Variants in RNF144A observed in about 807,000 individuals in gnomAD.
RNF144A encodes ring finger protein 144A.
Under a neutral mutation model 38.7 loss-of-function variants are expected in RNF144A, and 11 were observed. The ratio of observed to expected loss-of-function variants is 0.28; its 90% confidence interval spans 0.18 to 0.47. The LOEUF (loss-of-function observed/expected upper bound fraction) is 0.47, where lower values mean the gene tolerates loss of function less well. Ranked by LOEUF, RNF144A falls within the 20% of genes least tolerant of loss-of-function variation. RNF144A has a pLI of 0.99. For missense variants in RNF144A, 316 were observed against 377.2 expected (o/e 0.84, Z 1.34); for synonymous variants, 149 against 143.9 (o/e 1.04, Z -0.25).
At chr2:6,936,658 AG>A (rs1665606451) in intron 1 of RNF144A, among the ~76,000 whole-genome samples, 1 of 152,202 alleles carries the variant, frequency 6.6e-6, no homozygotes, top group Non-Finnish European at 1.5e-5. Flanking sequence ...TTTTTGCATC[AG>A]GTTGACTTTC....
intron 2 of RNF144A, among the ~76,000 whole-genome samples, chr2:6,980,637 T>C (rs986062010): frequency 2.6e-5 from 4 of 152,244 alleles, no homozygotes; most frequent in Non-Finnish European, 5.9e-5. Flanking sequence ...GCTGCTTTCA[T>C]AGGCTGGCAT....
intron 1 of RNF144A, chr2:6,933,238 G>A (rs1665319511): frequency 1.3e-5 from 2 of 152,168 alleles, no homozygotes; most frequent in Admixed American, 1.3e-4. Flanking sequence ...TAGGTAAGTG[G>A]GAGGGTCTCT....
At chr2:7,015,426 C>T (rs999698189) in intron 5 of RNF144A, among the ~76,000 whole-genome samples, 12 of 152,218 alleles carry the variant, frequency 7.9e-5, no homozygotes, top group South Asian at 2.1e-4. Flanking sequence ...GACCCTTCAT[C>T]GTGAGCCCTC....
chr2:7,022,583 C>T (rs917272058), intron 6 of RNF144A, among the ~76,000 whole-genome samples: 22 of 152,216 alleles, frequency 1.4e-4, no homozygotes, highest in Non-Finnish European at 2.1e-4. Context: ...CCTGCCGTTT[C>T]TTCCAAAATC....
chr2:7,052,637 G>C (rs1277994707), intron 6 of RNF144A, among the ~76,000 whole-genome samples: 1 of 152,106 alleles, frequency 6.6e-6, no homozygotes, highest in South Asian at 2.1e-4. Flanking sequence ...GCTCCCCAGG[G>C]ACTCTTGCAG....
chr2:6,928,326 C>CA (rs1665003640), intron 1 of RNF144A, among the ~76,000 whole-genome samples: 1 of 152,228 alleles, frequency 6.6e-6, no homozygotes, highest in African/African-American at 2.4e-5. Context: ...TTCATTGCCG[C>CA]AGGCCCCCTT....
intron 7 of RNF144A, among the ~76,000 whole-genome samples, chr2:7,028,007 C>T (rs1288193148): frequency 6.6e-6 from 1 of 151,970 alleles, no homozygotes; most frequent in Non-Finnish European, 1.5e-5. Context: ...GGGTGAAGTT[C>T]TTGACCTTGA....
rs141708722 is a variant in RNF144A at position 6,998,737 on chromosome 2, G to A, written c.135+1676G>A. 6.8e-3 allele frequency among the ~76,000 whole-genome samples: 1,032 copies of A among 152,334 alleles called. 15 individuals carry two copies. The highest frequency in any genetic ancestry group is 0.017 in the South Asian group (83 of 4,820). On this transcript the variant is annotated intron_variant, in intron 3 of 8. Transcript: ENST00000320892. ...GATTGATCTCCATCCTGTTAACACC[G>A]TGAATGGGGCTTATTGTCATTTCTA...
At chr2:6,934,886 A>G (rs1273948437) in intron 1 of RNF144A, among the ~76,000 whole-genome samples, 1 of 152,176 alleles carries the variant, frequency 6.6e-6, no homozygotes, top group East Asian at 1.9e-4. Flanking sequence ...GCTATTTTGC[A>G]GTAGCTGTGC....
At chr2:6,953,424 C>T (rs115865817) in intron 2 of RNF144A, among the ~76,000 whole-genome samples, 4 of 152,002 alleles carry the variant, frequency 2.6e-5, no homozygotes, top group African/African-American at 7.2e-5. Context: ...AGCAAAACTG[C>T]GTCTCAAAAA....
chr2:7,038,191 C>T (rs1672807356), intron 8 of RNF144A, among the ~76,000 whole-genome samples: 1 of 152,248 alleles, frequency 6.6e-6, no homozygotes, highest in African/African-American at 2.4e-5. Flanking sequence ...CCAGGTCATT[C>T]TCTGATGCAC....
intron 2 of RNF144A, among the ~76,000 whole-genome samples, chr2:6,971,718 A>G (rs1351418376): frequency 6.6e-6 from 1 of 152,122 alleles, no homozygotes; most frequent in African/African-American, 2.4e-5. Flanking sequence ...ACATCAGATG[A>G]AGTCTTGGAC....
intron 2 of RNF144A, among the ~76,000 whole-genome samples, chr2:6,942,347 A>G (rs1057420063): frequency 3.3e-5 from 5 of 152,138 alleles, no homozygotes; most frequent in Non-Finnish European, 7.4e-5. Context: ...ACAAGGGTGT[A>G]AAATCCAGGA....
chr2:6,947,818 C>G (rs993879125), intron 2 of RNF144A, among the ~76,000 whole-genome samples: 6 of 152,218 alleles, frequency 3.9e-5, no homozygotes, highest in African/African-American at 1.2e-4. Flanking sequence ...TGGCTCTGCC[C>G]TGTCCTGCCC....
intron 2 of RNF144A, among the ~76,000 whole-genome samples, chr2:6,988,250 G>A (rs1220182015): frequency 6.6e-6 from 1 of 152,146 alleles, no homozygotes; most frequent in Non-Finnish European, 1.5e-5. Flanking sequence ...TTAACGTCTT[G>A]CGTTAGTTTA....
chr2:7,042,482 C>T lies in RNF144A; in HGVS notation c.*2722C>T, dbSNP rs1407347614. 4 of 985,384 alleles carry T rather than the reference C, an allele frequency of 4.1e-6. No homozygotes were observed. Among genetic ancestry groups the T allele is most frequent in the Non-Finnish European group, 3.6e-6 (3 of 829,978 alleles). 61.0% of individuals were successfully genotyped at this position (985,384 alleles called of 1,614,324 possible). On this transcript the variant is annotated 3_prime_UTR_variant, in exon 9 of 9. Transcript: ENST00000320892. ...GCCTTTAATCCTGGGGAGTAAGGGG[C>T]GAAGGCCCTTAGACAACCATGGCTG...
intron 8 of RNF144A, among the ~76,000 whole-genome samples, chr2:7,033,178 A>G (rs1057219445): frequency 6.6e-6 from 1 of 152,236 alleles, no homozygotes; most frequent in Non-Finnish European, 1.5e-5. Context: ...CAGGCTTACC[A>G]TCCTCACATG....
rs555710959 is a variant in RNF144A at position 7,041,793 on chromosome 2, C to T, written c.*2033C>T. 1 of 985,604 alleles carries T rather than the reference C, an allele frequency of 1.0e-6. No homozygotes were observed. The highest frequency in any genetic ancestry group is 1.2e-6 in the Non-Finnish European group (1 of 830,082). 61.1% of individuals were successfully genotyped at this position (985,604 alleles called of 1,614,324 possible). A position where few individuals can be genotyped will look rare whatever the true frequency, so the allele number is the denominator to read the frequency against. ...AAATTGCTGCTGCCCATCGCATGAG[C>T]CCACACAGTAGCACCCCCGTCCTTA... is the stretch of plus-strand genomic sequence containing the variant. On this transcript the variant is annotated 3_prime_UTR_variant, in exon 9 of 9. Transcript: ENST00000320892.
chr2:7,039,964 G>T lies in RNF144A; in HGVS notation c.*204G>T. ...CAGGTGTGGTGGGGAGGGGAGGCAGGTGTGGGTAGCGCACATCCCCACAGA... is the reference window on the plus strand; with the variant it reads ...CAGGTGTGGTGGGGAGGGGAGGCAGTTGTGGGTAGCGCACATCCCCACAGA... On this transcript the variant is annotated 3_prime_UTR_variant, in exon 9 of 9. Coordinates refer to ENST00000320892, the MANE Select transcript of RNF144A (RefSeq NM_014746.6). 1 of 1,394,846 alleles carries T rather than the reference G, an allele frequency of 7.2e-7. No homozygotes were observed. Among genetic ancestry groups the T allele is most frequent in the Non-Finnish European group, 9.3e-7 (1 of 1,074,690 alleles). The allele number at this position is 1,394,846 out of a possible 1,614,324, so 86.4% of individuals were successfully genotyped here.
Sources: gnomAD v4.1 joint callset for allele counts (sites outside exome capture counted in the v4.1 genomes callset) on GRCh38, gnomAD v4.1.1 for gene constraint, MANE v1.5 for transcripts, NCBI Gene and HGNC (gene_info 2026-07-23, HGNC 2026-07-21) for gene names.